The following SLMAP variants were observed in gnomAD, a reference collection of about 807,000 sequenced individuals.
SLMAP encodes sarcolemma associated protein.
A neutral mutation model predicts 128.8 loss-of-function variants in SLMAP; 44 were observed. That is an observed-to-expected ratio of 0.34 (90% CI 0.27 to 0.44). The LOEUF (loss-of-function observed/expected upper bound fraction) is 0.44, where lower values mean the gene tolerates loss of function less well. Among genes scored for constraint, SLMAP ranks in the 20% least tolerant of loss-of-function variants. SLMAP has a pLI of 1.00. For missense variants in SLMAP, 787 were observed against 985.3 expected (o/e 0.80, Z 2.69); for synonymous variants, 327 against 348.8 (o/e 0.94, Z 0.70).
chr3:57,899,499 CTT>C (rs1050186216), intron 17 of SLMAP: 1 of 152,154 alleles, frequency 6.6e-6, no homozygotes, highest in African/African-American at 2.4e-5. Flanking sequence ...GAAGTAGTAT[CTT>C]TATAAATACC....
chr3:57,838,247 A>G (rs2093733835), intron 3 of SLMAP, among the ~76,000 whole-genome samples: 1 of 152,208 alleles, frequency 6.6e-6, no homozygotes, highest in Non-Finnish European at 1.5e-5. Flanking sequence ...ATTATAGGCT[A>G]TTTATAGTGA....
chr3:57,929,660 T>C lies in SLMAP; in HGVS notation c.*2371T>C, dbSNP rs2097050763. Among the ~76,000 whole-genome samples the C allele has an allele frequency of 6.6e-6, 1 of 152,220 alleles. No individual in the cohort carries two copies. Among genetic ancestry groups the C allele is most frequent in the Non-Finnish European group, 1.5e-5 (1 of 68,030 alleles). ...ACCCTGTAATGATACATTTAAGAAT[T>C]ATTCAAAGGTGCTACATGGCAGGGT... is the stretch of plus-strand genomic sequence containing the variant. On this transcript the variant is annotated 3_prime_UTR_variant, in exon 25 of 25. Transcript: ENST00000671191.
chr3:57,912,273 A>T lies in SLMAP; in HGVS notation c.1700-108A>T, dbSNP rs2096719102. On this transcript the variant is annotated intron_variant, in intron 19 of 24. Coordinates refer to ENST00000671191, the MANE Select transcript of SLMAP (RefSeq NM_001377540.1). ...CAAACGTGGATTGTTTATACACTTT[A>T]ATCAAAAGCAACAGCTCTGACAACC... 5 of 888,266 alleles carry T rather than the reference A, an allele frequency of 5.6e-6. No individual in the cohort carries two copies. In the Admixed American group the frequency reaches 1.2e-4, roughly 21 times the overall value. 55.0% of individuals were successfully genotyped at this position (888,266 alleles called of 1,614,324 possible).
chr3:57,875,328 C>G (rs114152774), intron 14 of SLMAP, among the ~76,000 whole-genome samples: 2,753 of 152,092 alleles, frequency 0.018, 73 homozygotes, highest in African/African-American at 0.063. Context: ...TTTACAGCCA[C>G]CCTGGGCAAC....
intron 2 of SLMAP, among the ~76,000 whole-genome samples, chr3:57,760,532 G>A (rs946883154): frequency 1.3e-5 from 2 of 152,118 alleles, no homozygotes; most frequent in African/African-American, 4.8e-5. Context: ...GACACTGTGA[G>A]GGATACAGTT....
intron 2 of SLMAP, among the ~76,000 whole-genome samples, chr3:57,790,456 A>G (rs75636670): frequency 1.3e-5 from 2 of 149,596 alleles, no homozygotes; most frequent in South Asian, 2.1e-4. Flanking sequence ...AAGGTTAAGG[A>G]AAAAAAAAAG....
At chr3:57,796,145 T>G (rs1299368875) in intron 2 of SLMAP, among the ~76,000 whole-genome samples, 1 of 152,206 alleles carries the variant, frequency 6.6e-6, no homozygotes, top group African/African-American at 2.4e-5. Flanking sequence ...GGCTCTCCCT[T>G]CTATATTTAA....
In SLMAP at chr3:57,791,342, A is replaced by G. The variant is rs189760188; in HGVS notation, c.198+33493A>G. ...ACCACTGCACTCAAGCCTGGGCAAC[A>G]GAGACTCCATCTCAAAAAGAAAAAA... is the stretch of plus-strand genomic sequence containing the variant. On this transcript the variant is annotated intron_variant, in intron 2 of 24. Coordinates refer to ENST00000671191, the MANE Select transcript of SLMAP (RefSeq NM_001377540.1). 3.3e-5 allele frequency among the ~76,000 whole-genome samples: 5 copies of G among 152,178 alleles called. No homozygotes were observed. In the East Asian group the frequency reaches 9.6e-4, roughly 29 times the overall value.
chr3:57,875,523 A>AAACAAC (rs1335299125), intron 14 of SLMAP, among the ~76,000 whole-genome samples: 1 of 152,354 alleles, frequency 6.6e-6, no homozygotes, highest in Non-Finnish European at 1.5e-5. Flanking sequence ...CAGAAAACAA[A>AAACAAC]AACAACAACA....
At chr3:57,804,197 G>T (rs577102049) in intron 2 of SLMAP, among the ~76,000 whole-genome samples, 2 of 152,182 alleles carry the variant, frequency 1.3e-5, no homozygotes, top group Admixed American at 1.3e-4. Context: ...TAACATCAAA[G>T]ATTATTTCCA....
intron 24 of SLMAP, 159 bp downstream of exon 24, chr3:57,926,093 A>G: frequency 1.6e-6 from 1 of 610,774 alleles, no homozygotes; most frequent in Non-Finnish European, 2.9e-6. Context: ...AATGAACTGA[A>G]CAGTCAACTA....
At chr3:57,883,820 A>C (rs975973728) in intron 14 of SLMAP, among the ~76,000 whole-genome samples, 4 of 152,194 alleles carry the variant, frequency 2.6e-5, no homozygotes, top group Non-Finnish European at 5.9e-5. Flanking sequence ...GCTAAGGGGC[A>C]CTTAATACCT....
intron 19 of SLMAP, among the ~76,000 whole-genome samples, chr3:57,911,233 C>G (rs1223454008): frequency 1.3e-5 from 2 of 152,184 alleles, no homozygotes; most frequent in Admixed American, 6.5e-5. Flanking sequence ...ATCAACAAAT[C>G]ATGATCATCT....
At chr3:57,844,123 T>C (rs570884368) in intron 4 of SLMAP, among the ~76,000 whole-genome samples, 1 of 149,780 alleles carries the variant, frequency 6.7e-6, no homozygotes, top group East Asian at 2.2e-4. Context: ...CTGGCGCAGG[T>C]GGCTCGTGCC....
chr3:57,769,426 C>A (rs2080374141), intron 2 of SLMAP, among the ~76,000 whole-genome samples: 1 of 152,078 alleles, frequency 6.6e-6, no homozygotes, highest in South Asian at 2.1e-4. Flanking sequence ...ATCTCCTGAC[C>A]TCGTGATCCG....
At chr3:57,853,958 TATATATATATATATATATA>T (rs2094611839) in intron 6 of SLMAP, among the ~76,000 whole-genome samples, 15 of 51,848 alleles carry the variant, frequency 2.9e-4, no homozygotes, top group East Asian at 2.8e-3. Context: ...AAAAAAATTA[TATATATATATATATATATA>T]TATATATATA....
chr3:57,919,831 A>G (rs2096884051), intron 22 of SLMAP, among the ~76,000 whole-genome samples: 1 of 151,796 alleles, frequency 6.6e-6, no homozygotes, highest in Non-Finnish European at 1.5e-5. Context: ...CATTGAGCAC[A>G]CAGTCCACCC....
In SLMAP at chr3:57,759,508, T is replaced by G. The variant is rs567044839; in HGVS notation, c.198+1659T>G. 2.6e-5 allele frequency among the ~76,000 whole-genome samples: 4 copies of G among 152,298 alleles called. 1 individual carries two copies. In the South Asian group the frequency reaches 8.3e-4, roughly 32 times the overall value. On this transcript the variant is annotated intron_variant, in intron 2 of 24. Transcript: ENST00000671191. ...GCCAGGCGGTCTTGAACTCCTGACC[T>G]CAGTTGATCCACCTGCCTCAACCTC...
chr3:57,874,667 C>G (rs1375592898), intron 14 of SLMAP, among the ~76,000 whole-genome samples: 1 of 151,818 alleles, frequency 6.6e-6, no homozygotes, highest in Non-Finnish European at 1.5e-5. Flanking sequence ...CAAGACCAGC[C>G]TGACCAACAT....
Sources: allele counts gnomAD v4.1 joint callset (sites outside exome capture counted in the v4.1 genomes callset), GRCh38; gene constraint gnomAD v4.1.1; transcripts MANE v1.5; gene names NCBI Gene and HGNC (gene_info 2026-07-23, HGNC 2026-07-21).